EGLN3: variants seen among roughly 807,000 people sequenced by gnomAD.
The protein encoded by EGLN3 is egl-9 family hypoxia inducible factor 3, also known as prolyl hydroxylase EGLN3.
Under a neutral mutation model 26.0 loss-of-function variants are expected in EGLN3, and 15 were observed. The observed-to-expected ratio is 0.58, with a 90% CI of 0.39 to 0.89. EGLN3 has a LOEUF of 0.89. Among genes scored for constraint, EGLN3 ranks in the 40% least tolerant of loss-of-function variants. The pLI is 0.00. For missense variants in EGLN3, 238 were observed against 311.6 expected (o/e 0.76, Z 1.78); for synonymous variants, 147 against 127.2 (o/e 1.16, Z -1.05).
intron 2 of EGLN3, 120 bp from the exon 3 acceptor site, chr14:33,929,332 C>T: frequency 7.9e-7 from 1 of 1,264,130 alleles, no homozygotes; most frequent in Non-Finnish European, 1.1e-6. Context: ...GCATGGTACC[C>T]CAGATTTTTA....
chr14:33,950,996 C>G lies in EGLN3; in HGVS notation c.-244G>C. On this transcript the variant is annotated 5_prime_UTR_variant, in exon 1 of 5. Coordinates refer to ENST00000250457, the MANE Select transcript of EGLN3 (RefSeq NM_022073.4). ...GCTCCACGACCCGTTTCCGGACTGG[C>G]CCGGCGAGCAGTGCGGCGCAAGGAG... The G allele has an allele frequency of 7.4e-6, 4 of 539,512 alleles. No individual in the cohort carries two copies. The highest frequency in any genetic ancestry group is 1.3e-5 in the Non-Finnish European group (4 of 305,740). The allele number at this position is 539,512 out of a possible 1,614,324, so 33.4% of individuals were successfully genotyped here. A position where few individuals can be genotyped will look rare whatever the true frequency, so the allele number is the denominator to read the frequency against.
chr14:33,941,333 A>T (rs1222903874), intron 1 of EGLN3, among the ~76,000 whole-genome samples: 1 of 152,000 alleles, frequency 6.6e-6, no homozygotes, highest in South Asian at 2.1e-4. Flanking sequence ...TCTGAGCCAG[A>T]CCTGTAGGTA....
chr14:33,930,998 C>A, intron 2 of EGLN3, 98 bp downstream of exon 2: 1 of 1,503,032 alleles, frequency 6.7e-7, no homozygotes, highest in Non-Finnish European at 9.0e-7. Context: ...GTGGGAGATA[C>A]GGCAACTATG....
At chr14:33,934,250 A>G (rs2064424293) in intron 1 of EGLN3, among the ~76,000 whole-genome samples, 1 of 152,180 alleles carries the variant, frequency 6.6e-6, no homozygotes, top group Non-Finnish European at 1.5e-5. Context: ...TGGAGAGGTG[A>G]ATCAGGCCGG....
intron 1 of EGLN3, among the ~76,000 whole-genome samples, chr14:33,942,631 A>T (rs1266906771): frequency 6.6e-6 from 1 of 152,212 alleles, no homozygotes; most frequent in Admixed American, 6.5e-5. Context: ...ACATTAGAAT[A>T]AAAAATAGAT....
In EGLN3 at chr14:33,950,386, C is replaced by G. The variant is rs200961888; in HGVS notation, c.357+10G>C. 6.2e-7 allele frequency: 1 copy of G among 1,611,770 alleles called. No individual in the cohort carries two copies. Among genetic ancestry groups the G allele is most frequent in the South Asian group, 1.1e-5 (1 of 91,052 alleles). ...GGAGCAGCTGCGGCAGGGCGCCGAG[C>G]GCGTCCTACCTTAGACCTCTCCTTG... On this transcript the variant is annotated intron_variant, in intron 1 of 4. Transcript: ENST00000250457.
intron 1 of EGLN3, among the ~76,000 whole-genome samples, chr14:33,932,445 C>G (rs1203597532): frequency 2.0e-5 from 3 of 152,084 alleles, no homozygotes; most frequent in African/African-American, 7.2e-5. Flanking sequence ...TTGAGTAGAG[C>G]CCCAAGCTAA....
At chr14:33,938,462 A>C (rs1011321923) in intron 1 of EGLN3, among the ~76,000 whole-genome samples, 1 of 152,210 alleles carries the variant, frequency 6.6e-6, no homozygotes, top group African/African-American at 2.4e-5. Context: ...GCTCTAAGCC[A>C]GCAGGGTGAT....
Position 33,925,874 on chromosome 14 carries a change from C to G in EGLN3, c.*17G>C. The G allele has an allele frequency of 6.2e-7, 1 of 1,613,904 alleles. No homozygotes were observed. The highest frequency in any genetic ancestry group is 8.5e-7 in the Non-Finnish European group (1 of 1,179,844). ...CCGTTACTAAAATGAACAAGGCCAG[C>G]AGATTTCAGAGCACGGTCAGTCTTC... On this transcript the variant is annotated 3_prime_UTR_variant, in exon 5 of 5. Transcript: ENST00000250457.
intron 1 of EGLN3, among the ~76,000 whole-genome samples, chr14:33,940,692 G>A (rs2064476545): frequency 6.6e-6 from 1 of 152,054 alleles, no homozygotes. Flanking sequence ...GCAAAGTCGA[G>A]AGTTTTTGTG....
In EGLN3 at chr14:33,927,532, G is replaced by T. The variant is rs767394018; in HGVS notation, c.615-499C>A. Among the ~76,000 whole-genome samples, 44 of 152,202 alleles carry T rather than the reference G, an allele frequency of 2.9e-4. 1 individual carries two copies. Among genetic ancestry groups the T allele is most frequent in the Middle Eastern group, 3.4e-3 (1 of 294 alleles). ...ATTTCAATGTAATAAAATGCATAAG[G>T]AATTCCAGGTATGTGCCAGAAATTA... On this transcript the variant is annotated intron_variant, in intron 3 of 4. Coordinates refer to ENST00000250457, the MANE Select transcript of EGLN3 (RefSeq NM_022073.4).
rs1324887142 is a variant in EGLN3, at chr14:33,925,618, C to T, written c.*273G>A. ...TAGGCTCTTCTCTTGATAGTATTAC[C>T]GAATCTATCAGGTAAACCGCTGGCC... On this transcript the variant is annotated 3_prime_UTR_variant, in exon 5 of 5. Coordinates refer to ENST00000250457, the MANE Select transcript of EGLN3 (RefSeq NM_022073.4). The T allele has an allele frequency of 1.5e-5, 7 of 466,916 alleles. No homozygotes were observed. The highest frequency in any genetic ancestry group is 1.3e-4 in the South Asian group (5 of 38,318). 28.9% of individuals were successfully genotyped at this position (466,916 alleles called of 1,614,324 possible).
intron 2 of EGLN3, among the ~76,000 whole-genome samples, chr14:33,930,761 C>T (rs139856320): frequency 1.3e-3 from 195 of 152,246 alleles, no homozygotes; most frequent in African/African-American, 4.2e-3. Context: ...AGTGTATATC[C>T]TATTCTGCAT....
At chr14:33,930,808 T>G (rs2064397486) in intron 2 of EGLN3, among the ~76,000 whole-genome samples, 1 of 152,140 alleles carries the variant, frequency 6.6e-6, no homozygotes, top group Non-Finnish European at 1.5e-5. Flanking sequence ...TGAAAAAAAT[T>G]AATCCTTAAT....
At chr14:33,943,358 C>T (rs2064496495) in intron 1 of EGLN3, among the ~76,000 whole-genome samples, 1 of 152,090 alleles carries the variant, frequency 6.6e-6, no homozygotes, top group Admixed American at 6.6e-5. Flanking sequence ...CTGGCAGATG[C>T]CCAGCAAAAT....
At chr14:33,933,014 C>T (rs2138814713) in intron 1 of EGLN3, among the ~76,000 whole-genome samples, 1 of 152,252 alleles carries the variant, frequency 6.6e-6, no homozygotes, top group African/African-American at 2.4e-5. Context: ...CTCAGGCTCC[C>T]CCCACTGAGT....
At position 33,950,609 on chromosome 14, in the gene EGLN3, CTTG is replaced by C; in HGVS notation, c.141_143del (p.Lys48del). The stretch of plus-strand genomic sequence containing the variant: ...GCAGGGCCCCGGTGCAGTGCAGCTG[CTTG>C]ACGCGCTCCAGGACGCAGTCGCCCA... On this transcript the variant is annotated inframe_deletion, in exon 1 of 5. Coordinates refer to ENST00000250457, the MANE Select transcript of EGLN3 (RefSeq NM_022073.4). 6.2e-7 allele frequency: 1 copy of C among 1,613,700 alleles called. No homozygotes were observed.
intron 1 of EGLN3, among the ~76,000 whole-genome samples, chr14:33,938,301 T>G (rs1197971429): frequency 6.6e-6 from 1 of 152,190 alleles, no homozygotes; most frequent in Admixed American, 6.5e-5. Context: ...GAGACTATTG[T>G]CATTCCTTTC....
rs908306224 is a variant in EGLN3 at position 33,925,072 on chromosome 14, A to C, written c.*819T>G. On this transcript the variant is annotated 3_prime_UTR_variant, in exon 5 of 5. Coordinates refer to ENST00000250457, the MANE Select transcript of EGLN3 (RefSeq NM_022073.4). ...GCTCTTTCCACAGTTATCAGTGGTT[A>C]ACACAAAACTACCAGGGATATATTT... 1 of 151,970 alleles carries C rather than the reference A, an allele frequency of 6.6e-6. No homozygotes were observed. The highest frequency in any genetic ancestry group is 2.4e-5 in the African/African-American group (1 of 41,392). 9.4% of individuals were successfully genotyped at this position (151,970 alleles called of 1,614,324 possible).
Sources: allele counts gnomAD v4.1 joint callset (sites outside exome capture counted in the v4.1 genomes callset), GRCh38; gene constraint gnomAD v4.1.1; transcripts MANE v1.5; gene names NCBI Gene and HGNC (gene_info 2026-07-23, HGNC 2026-07-21).